PALM: variants seen among roughly 807,000 people sequenced by gnomAD.
The protein encoded by PALM is paralemmin-1.
Under a neutral mutation model 30.7 loss-of-function variants are expected in PALM, and 18 were observed. The observed-to-expected ratio is 0.59, with a 90% CI of 0.41 to 0.87. The LOEUF is 0.87. PALM is among the 40% of genes least tolerant of loss of function. The pLI is 0.00. For missense variants in PALM, 529 were observed against 555.4 expected (o/e 0.95, Z 0.48); for synonymous variants, 286 against 242.8 (o/e 1.18, Z -1.66).
intron 1 of PALM, chr19:719,788 A>C: frequency 3.5e-6 from 1 of 284,058 alleles, no homozygotes; most frequent in Non-Finnish European, 5.3e-6. Context: ...AGGAGGATGA[A>C]CGCCGGGAGA....
At chr19:743,048 C>T (rs796895496) in intron 8 of PALM, among the ~76,000 whole-genome samples, 14 of 152,216 alleles carry the variant, frequency 9.2e-5, no homozygotes, top group East Asian at 3.9e-4. Context: ...TCCTCACCAG[C>T]GCTCGTAGCC....
At chr19:728,014 G>C (rs2032746818) in intron 4 of PALM, 1 of 203,166 alleles carries the variant, frequency 4.9e-6, no homozygotes, top group Non-Finnish European at 8.3e-6. Context: ...CCTGGAGCTG[G>C]CCAGCGGGGG....
chr19:734,133 G>T (rs2144900872), intron 5 of PALM, 40 bp from the exon 6 acceptor site: 3 of 1,611,686 alleles, frequency 1.9e-6, no homozygotes, highest in Non-Finnish European at 2.5e-6. Context: ...TCTTCCCGGG[G>T]ATGCTGACGC....
intron 2 of PALM, 23 bp from the exon 3 acceptor site, chr19:726,985 A>ACG: frequency 1.1e-5 from 10 of 945,348 alleles, no homozygotes; most frequent in Non-Finnish European, 1.1e-5. Context: ...CCCATCCCTG[A>ACG]CCCCACCCGG....
chr19:744,062 T>C (rs1486559257), intron 8 of PALM, among the ~76,000 whole-genome samples: 4 of 152,184 alleles, frequency 2.6e-5, no homozygotes, highest in Non-Finnish European at 5.9e-5. Flanking sequence ...TGGCTTCCTG[T>C]GGCAATCAAT....
intron 4 of PALM, among the ~76,000 whole-genome samples, chr19:730,893 C>A (rs189226152): frequency 6.6e-6 from 1 of 152,006 alleles, no homozygotes; most frequent in Non-Finnish European, 1.5e-5. Flanking sequence ...CCCAGCTACT[C>A]GAGACCCTGA....
Position 709,002 on chromosome 19 carries a change from C to T in PALM, c.-145C>T, listed in dbSNP as rs1238934340. 6.7e-6 allele frequency: 1 copy of T among 149,518 alleles called. No individual in the cohort carries two copies. The highest frequency in any genetic ancestry group is 2.5e-5 in the African/African-American group (1 of 40,722). The allele number at this position is 149,518 out of a possible 1,614,324, so 9.3% of individuals were successfully genotyped here. On this transcript the variant is annotated 5_prime_UTR_variant, in exon 1 of 9. Transcript: ENST00000338448. The surrounding 1 kb of genome is among the most constrained non-coding windows in gnomAD (Gnocchi z 4.3). ...GGCGATGCCCGAGCCGGTGCCGCCG[C>T]CCCCGCGCCGCGCAGCCCCGGCCGC...
intron 8 of PALM, 92 bp downstream of exon 8, chr19:740,575 A>G: frequency 8.4e-7 from 1 of 1,192,828 alleles, no homozygotes. Context: ...TCTGCCCCGG[A>G]ATCAGGACCC....
chr19:710,724 C>T (rs1232780121), intron 1 of PALM, among the ~76,000 whole-genome samples: 1 of 150,566 alleles, frequency 6.6e-6, no homozygotes, highest in African/African-American at 2.4e-5. Flanking sequence ...CTCTGCTCCA[C>T]GGTTTCTCCG....
At chr19:734,316 T>C in intron 6 of PALM, 122 bp downstream of exon 6, 1 of 912,660 alleles carries the variant, frequency 1.1e-6, no homozygotes, top group Non-Finnish European at 1.7e-6. Context: ...TCCCAGCACT[T>C]TGGGAGGCCG....
At chr19:729,560 G>C (rs1335221790) in intron 4 of PALM, among the ~76,000 whole-genome samples, 1 of 148,494 alleles carries the variant, frequency 6.7e-6, no homozygotes, top group African/African-American at 2.5e-5. Context: ...CCGCCTCCCG[G>C]GTTCACGCCA....
chr19:716,663 G>A (rs534249521), intron 1 of PALM, among the ~76,000 whole-genome samples: 7 of 152,210 alleles, frequency 4.6e-5, no homozygotes, highest in East Asian at 1.9e-4. Flanking sequence ...GTATTCAAAC[G>A]CTTCCAGCCA....
chr19:729,215 A>T (rs1177923273), intron 4 of PALM, among the ~76,000 whole-genome samples: 1 of 151,218 alleles, frequency 6.6e-6, no homozygotes, highest in African/African-American at 2.4e-5. Context: ...AATCCCAGCT[A>T]CTGGGGAGGC....
At chr19:721,939 G>T (rs888752603) in intron 1 of PALM, among the ~76,000 whole-genome samples, 1 of 150,044 alleles carries the variant, frequency 6.7e-6, no homozygotes, top group Non-Finnish European at 1.5e-5. Context: ...TATTTTTTGA[G>T]ACGGAGTCTC....
At chr19:733,146 G>A (rs868165475) in intron 5 of PALM, among the ~76,000 whole-genome samples, 3 of 152,076 alleles carry the variant, frequency 2.0e-5, no homozygotes, top group Admixed American at 2.0e-4. Context: ...GGCTGGTCTC[G>A]AACTCCTGAC....
rs755887333 is a variant in PALM, at chr19:746,327, C to G, written c.677C>G (p.Pro226Arg). ...VDGTAENGIH[P>R]LSSSEVDELI... ...GGCACCGCCGAGAACGGGATCCACC[C>G]CCTGAGCTCCTCCGAGGTGGACGAA... is the stretch of plus-strand genomic sequence containing the variant. The change falls in exon 9 of 9, where the codon CCC becomes CGC. Residue 226 changes from proline to arginine, a missense_variant. By Grantham distance (103) the Pro-to-Arg change is moderately radical. Transcript: ENST00000338448. This position sits in a 1 kb window ranked among gnomAD's most constrained non-coding sequence, Gnocchi z 7.1. 3 of 1,613,062 alleles carry G rather than the reference C, an allele frequency of 1.9e-6. No homozygotes were observed. The highest frequency in any genetic ancestry group is 2.5e-6 in the Non-Finnish European group (3 of 1,179,224).
At chr19:734,421 C>T (rs73508307) in intron 6 of PALM, 15,754 of 556,956 alleles carry the variant, frequency 0.028, 295 homozygotes, top group African/African-American at 0.065. Flanking sequence ...GACAATTAGC[C>T]GGGTGTGGTG....
intron 1 of PALM, among the ~76,000 whole-genome samples, chr19:720,228 G>C (rs1193821449): frequency 6.6e-6 from 1 of 151,972 alleles, no homozygotes; most frequent in Non-Finnish European, 1.5e-5. Context: ...CCGGGCCTCG[G>C]CGTTGCCATG....
At chr19:727,874 T>TG in intron 4 of PALM, 180 bp downstream of exon 4, 1 of 613,490 alleles carries the variant, frequency 1.6e-6, no homozygotes, top group Non-Finnish European at 2.8e-6. Flanking sequence ...GGTTGGGGCA[T>TG]CCACCTGGGT....
Sources: gnomAD v4.1 joint callset for allele counts (sites outside exome capture counted in the v4.1 genomes callset) on GRCh38, gnomAD v4.1.1 for gene constraint, Gnocchi (gnomAD v3.1) non-coding constraint, MANE v1.5 for transcripts, NCBI Gene and HGNC (gene_info 2026-07-23, HGNC 2026-07-21) for gene names.